The following ZNF253 variants were observed in gnomAD, a reference collection of about 807,000 sequenced individuals.
ZNF253 encodes zinc finger protein 253.
Under a neutral mutation model 11.9 loss-of-function variants are expected in ZNF253, and 8 were observed. The observed-to-expected ratio is 0.67, with a 90% CI of 0.40 to 1.22. The LOEUF is 1.22. ZNF253 is among the 50% of genes most tolerant of loss of function. The probability of loss-of-function intolerance (pLI) is 0.01; values close to 1 mark genes in which losing one functional copy is unlikely to be tolerated. For synonymous variants in ZNF253, 194 were observed against 194.9 expected (o/e 1.00, Z 0.04); for missense variants, 485 against 586.9 (o/e 0.83, Z 1.79).
intron 1 of ZNF253, among the ~76,000 whole-genome samples, chr19:19,867,255 T>C (rs1208604013): frequency 6.6e-6 from 1 of 152,246 alleles, no homozygotes; most frequent in African/African-American, 2.4e-5. Context: ...GAAATAATGG[T>C]CTACAGCTTT....
chr19:19,880,672 T>A (rs1008829975), intron 3 of ZNF253, among the ~76,000 whole-genome samples: 1 of 149,118 alleles, frequency 6.7e-6, no homozygotes, highest in Non-Finnish European at 1.5e-5. Flanking sequence ...GCCATCGCAC[T>A]CCAGCCTGGG....
intron 3 of ZNF253, among the ~76,000 whole-genome samples, chr19:19,888,763 T>C (rs189429292): frequency 2.2e-4 from 34 of 152,284 alleles, no homozygotes; most frequent in African/African-American, 8.2e-4. Flanking sequence ...AGTAAGGAAT[T>C]CTATTTTTGT....
chr19:19,873,339 G>A (rs1467685673), intron 1 of ZNF253, among the ~76,000 whole-genome samples: 1 of 152,154 alleles, frequency 6.6e-6, no homozygotes, highest in Non-Finnish European at 1.5e-5. Context: ...AGGTTCTGGA[G>A]CTCCACCAGT....
intron 3 of ZNF253, 125 bp downstream of exon 3, chr19:19,880,271 C>CTTTTTT: frequency 2.3e-6 from 1 of 427,322 alleles, no homozygotes; most frequent in Non-Finnish European, 3.8e-6. Context: ...TCCTGGGCAG[C>CTTTTTT]TGTTTTTTTT....
intron 1 of ZNF253, among the ~76,000 whole-genome samples, chr19:19,877,034 G>C (rs1435785693): frequency 1.3e-5 from 2 of 152,044 alleles, no homozygotes; most frequent in Non-Finnish European, 2.9e-5. Flanking sequence ...GGATACTCAA[G>C]ATTTCTATTG....
At chr19:19,866,150 A>G (rs1267798780) in intron 1 of ZNF253, 151 bp downstream of exon 1, 1 of 1,024,876 alleles carries the variant, frequency 9.8e-7, no homozygotes, top group Non-Finnish European at 1.5e-6. Context: ...CCCTTCAGCC[A>G]TAAGATGGCG....
intron 3 of ZNF253, among the ~76,000 whole-genome samples, chr19:19,880,415 G>C (rs921358418): frequency 5.9e-5 from 9 of 151,868 alleles, no homozygotes; most frequent in African/African-American, 1.9e-4. Flanking sequence ...CATGTAAAAG[G>C]CTGCGCGGGC....
chr19:19,878,399 T>C lies in ZNF253; in HGVS notation c.4-82T>C, dbSNP rs2063164117. 8 of 1,608,442 alleles carry C rather than the reference T, an allele frequency of 5.0e-6. No individual in the cohort carries two copies. The Admixed American group carries it at 1.2e-4, about 24-fold the overall frequency. On this transcript the variant is annotated intron_variant, in intron 1 of 3. Transcript: ENST00000589717. Reference sequence around the variant, plus strand: ...TCCTTTGAGTCAGAACCAGTTCTCTTTACTCTCTAATTTCACCTTAAGTCA... The same window carrying C: ...TCCTTTGAGTCAGAACCAGTTCTCTCTACTCTCTAATTTCACCTTAAGTCA...
chr19:19,877,655 G>A (rs943164823), intron 1 of ZNF253, among the ~76,000 whole-genome samples: 3 of 152,130 alleles, frequency 2.0e-5, no homozygotes, highest in East Asian at 3.9e-4. Context: ...AATTACAGGC[G>A]TGAGCCACCA....
intron 1 of ZNF253, among the ~76,000 whole-genome samples, chr19:19,867,755 A>G (rs2063117635): frequency 1.3e-5 from 2 of 152,262 alleles, no homozygotes; most frequent in Non-Finnish European, 2.9e-5. Context: ...GAACATACAT[A>G]TGAATGTATC....
At position 19,892,713 on chromosome 19, in the gene ZNF253, T is replaced by C; in HGVS notation, c.1466T>C (p.Leu489Ser). ...PYIVKNVTDL[L>S]NVPPLLISIR ...ATAGTGAAGAATGTGACAGATCTTT[T>C]AAATGTTCCTCCACTTTTAATTAGC... Residue 489 changes from leucine to serine, a missense_variant, in exon 4 of 4, where the codon TTA becomes TCA. By Grantham distance (145) the Leu-to-Ser change is moderately radical. This residue lies in a region of ZNF253 where 232 missense variants were observed against 321.4 expected (regional missense o/e 0.72). Coordinates refer to ENST00000589717, the MANE Select transcript of ZNF253 (RefSeq NM_021047.3). 1 of 1,598,988 alleles carries C rather than the reference T, an allele frequency of 6.3e-7. No individual in the cohort carries two copies. The highest frequency in any genetic ancestry group is 8.5e-7 in the Non-Finnish European group (1 of 1,174,302).
In ZNF253 at chr19:19,891,896, A is replaced by G; in HGVS notation, c.649A>G (p.Thr217Ala). ...KAFNQSANLT[T>A]HKRIHTGEKP... ...TTTTAACCAATCTGCAAACCTTACT[A>G]CACATAAGAGAATTCATACCGGAGA... is the stretch of plus-strand genomic sequence containing the variant. The change falls in exon 4 of 4, where the codon ACA becomes GCA. Residue 217 changes from threonine (T) to alanine (A), a missense_variant. Physicochemically the swap from Thr to Ala is moderately conservative, Grantham distance 58. This residue lies in a region of ZNF253 where 218 missense variants were observed against 213.1 expected (regional missense o/e 1.02). Coordinates refer to ENST00000589717, the MANE Select transcript of ZNF253 (RefSeq NM_021047.3). 10 of 1,613,978 alleles carry G rather than the reference A, an allele frequency of 6.2e-6. No individual in the cohort carries two copies. Among genetic ancestry groups the G allele is most frequent in the Non-Finnish European group, 8.5e-6 (10 of 1,179,978 alleles).
At chr19:19,881,694 T>C (rs922414121) in intron 3 of ZNF253, among the ~76,000 whole-genome samples, 4 of 151,786 alleles carry the variant, frequency 2.6e-5, no homozygotes, top group South Asian at 4.2e-4. Flanking sequence ...TATACTTATG[T>C]ATGTTAATTT....
In ZNF253 at chr19:19,867,590, A is replaced by C. The variant is rs551606306; in HGVS notation, c.3+1591A>C. ...TGCAATGTTGCCCAGGTTGGTCTTA[A>C]ACTTCTAAGCTCAGGCAATCCACCT... On this transcript the variant is annotated intron_variant, in intron 1 of 3. Coordinates refer to ENST00000589717, the MANE Select transcript of ZNF253 (RefSeq NM_021047.3). 1.7e-3 allele frequency among the ~76,000 whole-genome samples: 265 copies of C among 152,258 alleles called. 1 individual carries two copies. Among genetic ancestry groups the C allele is most frequent in the African/African-American group, 6.2e-3 (258 of 41,530 alleles).
At chr19:19,880,855 A>G (rs2063175400) in intron 3 of ZNF253, among the ~76,000 whole-genome samples, 1 of 152,136 alleles carries the variant, frequency 6.6e-6, no homozygotes, top group Admixed American at 6.5e-5. Flanking sequence ...GCGTGAGAGT[A>G]TTAGTTTATC....
intron 3 of ZNF253, among the ~76,000 whole-genome samples, chr19:19,889,296 G>C (rs2063219273): frequency 6.6e-6 from 1 of 150,938 alleles, no homozygotes; most frequent in African/African-American, 2.4e-5. Context: ...GTAGTCGTCT[G>C]TGTTCCTATT....
At chr19:19,869,384 C>T (rs992916240) in intron 1 of ZNF253, among the ~76,000 whole-genome samples, 4 of 149,900 alleles carry the variant, frequency 2.7e-5, no homozygotes, top group Non-Finnish European at 5.9e-5. Flanking sequence ...TTTTTTTTTT[C>T]GAGGTGTTTT....
chr19:19,868,208 T>C (rs1159369877), intron 1 of ZNF253, among the ~76,000 whole-genome samples: 2 of 152,104 alleles, frequency 1.3e-5, no homozygotes, highest in African/African-American at 4.8e-5. Flanking sequence ...ATAGGTCCCA[T>C]TGTCAATTTT....
intron 3 of ZNF253, among the ~76,000 whole-genome samples, chr19:19,886,949 T>A (rs2063208739): frequency 1.3e-5 from 2 of 152,200 alleles, no homozygotes; most frequent in Admixed American, 1.3e-4. Context: ...GCTTCACTTT[T>A]GTCAATAGTT....
Sources: gnomAD v4.1 joint callset for allele counts (sites outside exome capture counted in the v4.1 genomes callset) on GRCh38, gnomAD v4.1.1 for gene constraint, gnomAD v4.1.1 regional missense constraint, MANE v1.5 for transcripts, NCBI Gene and HGNC (gene_info 2026-07-23, HGNC 2026-07-21) for gene names.